The following EZH1 variants were observed in gnomAD, a reference collection of about 807,000 sequenced individuals.
The protein encoded by EZH1 is enhancer of zeste 1 polycomb repressive complex 2 subunit.
Under a neutral mutation model 100.5 loss-of-function variants are expected in EZH1, and 33 were observed. That is an observed-to-expected ratio of 0.33 (90% CI 0.25 to 0.44). The LOEUF is 0.44. Among genes scored for constraint, EZH1 ranks in the 20% least tolerant of loss-of-function variants. EZH1 has a pLI of 1.00. For missense variants in EZH1, 475 were observed against 928.4 expected, an observed-to-expected ratio of 0.51 and a Z score of 6.35; for synonymous variants, 272 against 313.8, an observed-to-expected ratio of 0.87 and a Z score of 1.41.
intron 1 of EZH1, chr17:42,731,726 C>T (rs977610469): frequency 7.2e-6 from 1 of 139,534 alleles, no homozygotes; most frequent in Non-Finnish European, 1.5e-5. Context: ...CCCGTTTCCA[C>T]TAAAAAATAC....
chr17:42,715,701 A>G (rs1211754562), intron 10 of EZH1, among the ~76,000 whole-genome samples: 2 of 152,150 alleles, frequency 1.3e-5, no homozygotes, highest in Non-Finnish European at 2.9e-5. Flanking sequence ...CCAGCCTGGA[A>G]CTTTTAAAAA....
chr17:42,744,732 T>G (rs1054778194), intron 1 of EZH1, among the ~76,000 whole-genome samples: 4 of 151,648 alleles, frequency 2.6e-5, no homozygotes, highest in Non-Finnish European at 5.9e-5. Flanking sequence ...CCAACGGGAT[T>G]CCCCGTCCCC....
At chr17:42,736,455 A>T (rs1325824010) in intron 1 of EZH1, among the ~76,000 whole-genome samples, 1 of 152,248 alleles carries the variant, frequency 6.6e-6, no homozygotes. Flanking sequence ...GTGTGTATAG[A>T]TATATACACA....
chr17:42,742,574 A>C (rs905394827), intron 1 of EZH1, among the ~76,000 whole-genome samples: 10 of 152,314 alleles, frequency 6.6e-5, no homozygotes, highest in African/African-American at 2.4e-4. Flanking sequence ...AGTTACTGAC[A>C]ATACTAGCAT....
Position 42,705,129 on chromosome 17 carries a change from A to G in EZH1, c.1894T>C (p.Ser632Pro), listed in dbSNP as rs757206193. 5.0e-6 allele frequency: 8 copies of G among 1,613,032 alleles called. No individual in the cohort carries two copies. The highest frequency in any genetic ancestry group is 6.8e-6 in the Non-Finnish European group (8 of 1,179,708). ...VAGWGTFIKE[S>P]VQKNEFISEY... The stretch of plus-strand genomic sequence containing the variant: ...GAAATGAATTCGTTCTTCTGCACAG[A>G]CTCCTTTATGAAGGTGCCCCATCCG... The change falls in exon 17 of 21, where the codon TCT (serine) becomes CCT (proline). Residue 632 changes from serine (S) to proline (P), a missense_variant. Ser to Pro is a moderately conservative substitution (Grantham distance 74). Transcript: ENST00000428826.
chr17:42,716,889 G>C (rs183111219), intron 10 of EZH1, among the ~76,000 whole-genome samples: 1 of 152,094 alleles, frequency 6.6e-6, no homozygotes, highest in Non-Finnish European at 1.5e-5. Flanking sequence ...GTAGAGACAG[G>C]GTTTTTCCAT....
At chr17:42,735,137 G>A (rs1286358506) in intron 1 of EZH1, among the ~76,000 whole-genome samples, 3 of 152,086 alleles carry the variant, frequency 2.0e-5, no homozygotes, top group Admixed American at 6.6e-5. Flanking sequence ...AGATGCTGTC[G>A]TGTCTGGCTG....
At chr17:42,724,606 A>C in intron 4 of EZH1, 182 bp from the exon 5 acceptor site, 1 of 523,372 alleles carries the variant, frequency 1.9e-6, no homozygotes, top group Non-Finnish European at 3.4e-6. Flanking sequence ...ACATGGTGAA[A>C]CCCCATCTCT....
chr17:42,712,220 T>C, intron 12 of EZH1, 69 bp downstream of exon 12: 2 of 1,499,578 alleles, frequency 1.3e-6, no homozygotes, highest in African/African-American at 1.4e-5. Context: ...CCTGGTAAGA[T>C]GGCAAAGGGC....
In EZH1 at chr17:42,718,543, T is replaced by G; in HGVS notation, c.842A>C (p.Asn281Thr). 2 of 1,614,100 alleles carry G rather than the reference T, an allele frequency of 1.2e-6. No homozygotes were observed. Among genetic ancestry groups the G allele is most frequent in the Non-Finnish European group, 1.7e-6 (2 of 1,180,010 alleles). ...PQCTPNIDGP[N>T]AKSVQREQSL... is the part of the protein sequence containing the mutation. ...TTGCTCCCGCTGCACAGACTTGGCA[T>G]TGGGGCCATCGATGTTGGGTGTGCA... The change falls in exon 9 of 21, where the codon AAT becomes ACT. Residue 281 changes from asparagine (N) to threonine (T), a missense_variant. By Grantham distance (65) the Asn-to-Thr change is moderately conservative (BLOSUM62 0). Transcript: ENST00000428826. The surrounding 1 kb of genome is among the most constrained non-coding windows in gnomAD (Gnocchi z 4.2).
At chr17:42,725,145 G>A (rs1173884797) in intron 4 of EZH1, among the ~76,000 whole-genome samples, 3 of 151,966 alleles carry the variant, frequency 2.0e-5, no homozygotes, top group Non-Finnish European at 2.9e-5. Flanking sequence ...CCAGCCTGGC[G>A]ACATAGCGAT....
chr17:42,717,584 C>T (rs187767076), intron 10 of EZH1, among the ~76,000 whole-genome samples: 1 of 152,148 alleles, frequency 6.6e-6, no homozygotes, highest in African/African-American at 2.4e-5. Flanking sequence ...TTGATCACAA[C>T]AAGACATCAG....
chr17:42,714,885 TA>T (rs2053562322), intron 10 of EZH1, among the ~76,000 whole-genome samples: 1 of 138,250 alleles, frequency 7.2e-6, no homozygotes, highest in South Asian at 2.3e-4. Flanking sequence ...ATTATATATA[TA>T]ATATATAATA....
chr17:42,740,932 T>C (rs1403670516), intron 1 of EZH1, among the ~76,000 whole-genome samples: 5 of 152,166 alleles, frequency 3.3e-5, no homozygotes, highest in African/African-American at 1.2e-4. Context: ...GATTGACTGA[T>C]AGACTAAGGA....
intron 1 of EZH1, among the ~76,000 whole-genome samples, chr17:42,736,908 C>T (rs1206405453): frequency 1.3e-5 from 2 of 151,754 alleles, no homozygotes; most frequent in Non-Finnish European, 2.9e-5. Flanking sequence ...AAAAATAAGA[C>T]GCAAATAACT....
At chr17:42,704,893 T>C (rs145346032) in intron 17 of EZH1, among the ~76,000 whole-genome samples, 195 bp downstream of exon 17, 34 of 152,320 alleles carry the variant, frequency 2.2e-4, no homozygotes, top group African/African-American at 6.5e-4. Context: ...CCTCATCTCT[T>C]GTGTCTGGAG....
rs915161854 is a variant in EZH1 at position 42,706,912 on chromosome 17, C to T, written c.1661-727G>A. On this transcript the variant is annotated intron_variant, in intron 15 of 20. Transcript: ENST00000428826. The surrounding 1 kb of genome is among the most constrained non-coding windows in gnomAD (Gnocchi z 4.4). ...TCTCCACCCACTGCCCAACCCAGCG[C>T]AACCACTTCTCTGCTGCGGCTAAGA... 6.6e-6 allele frequency among the ~76,000 whole-genome samples: 1 copy of T among 152,162 alleles called. No homozygotes were observed. The highest frequency in any genetic ancestry group is 1.5e-5 in the Non-Finnish European group (1 of 68,030).
At chr17:42,724,207 T>A in intron 5 of EZH1, 98 bp downstream of exon 5, 1 of 1,421,560 alleles carries the variant, frequency 7.0e-7, no homozygotes, top group Non-Finnish European at 9.8e-7. Context: ...CTAGCTGTGT[T>A]AATTACTGGA....
chr17:42,733,513 C>A (rs1387367928), intron 1 of EZH1, among the ~76,000 whole-genome samples: 1 of 148,194 alleles, frequency 6.7e-6, no homozygotes, highest in Admixed American at 6.8e-5. Flanking sequence ...TGGTGGCAGG[C>A]GCCTGTGGTC....
Sources: allele counts gnomAD v4.1 joint callset (sites outside exome capture counted in the v4.1 genomes callset), GRCh38; gene constraint gnomAD v4.1.1; non-coding constraint Gnocchi (gnomAD v3.1); transcripts MANE v1.5; gene names NCBI Gene and HGNC (gene_info 2026-07-23, HGNC 2026-07-21).